CIT: variants seen among roughly 807,000 people sequenced by gnomAD.
CIT encodes citron rho-interacting serine/threonine kinase, also known as citron Rho-interacting kinase.
CIT carries 79 observed loss-of-function variants against 272.7 expected under a neutral mutation model. The observed-to-expected ratio is 0.29, with a 90% CI of 0.24 to 0.35. CIT has a LOEUF of 0.35. Among genes scored for constraint, CIT ranks in the 10% least tolerant of loss-of-function variants. The pLI is 1.00. For missense variants in CIT, 1,909 were observed against 2,618.3 expected (o/e 0.73, Z 5.91); for synonymous variants, 948 against 995.6 (o/e 0.95, Z 0.90).
intron 9 of CIT, among the ~76,000 whole-genome samples, chr12:119,818,099 C>A (rs1318977701): frequency 1.3e-5 from 2 of 152,158 alleles, no homozygotes; most frequent in East Asian, 1.9e-4. Flanking sequence ...ATCACACAGA[C>A]CTCCACCCAA....
At chr12:119,833,353 T>G (rs1437770029) in intron 6 of CIT, among the ~76,000 whole-genome samples, 1 of 152,014 alleles carries the variant, frequency 6.6e-6, no homozygotes, top group Non-Finnish European at 1.5e-5. Context: ...AATGAAGACA[T>G]GAAGAACCAC....
chr12:119,802,783 A>AT (rs935423411), intron 10 of CIT, among the ~76,000 whole-genome samples: 1 of 152,182 alleles, frequency 6.6e-6, no homozygotes, highest in Non-Finnish European at 1.5e-5. Context: ...AGGATTCTTT[A>AT]TACAGCCAAG....
In CIT at chr12:119,828,662, A is replaced by G. The variant is rs538208954; in HGVS notation, c.754-3294T>C. 2.8e-4 allele frequency among the ~76,000 whole-genome samples: 42 copies of G among 152,044 alleles called. 1 individual carries two copies. The South Asian group carries it at 8.7e-3, about 32-fold the overall frequency. On this transcript the variant is annotated intron_variant, in intron 7 of 47. Transcript: ENST00000392521. ...ACTGCAACCTCCAGCCCCTGGGTTCAAGCAATTCTCCTGCCTCAGCCTCCC... is the reference window on the plus strand; with the variant it reads ...ACTGCAACCTCCAGCCCCTGGGTTCGAGCAATTCTCCTGCCTCAGCCTCCC...
chr12:119,801,907 C>T (rs1296407160), intron 10 of CIT, among the ~76,000 whole-genome samples: 1 of 152,180 alleles, frequency 6.6e-6, no homozygotes, highest in African/African-American at 2.4e-5. Context: ...GAGAGGGGAT[C>T]AAGAAAGACC....
intron 40 of CIT, 103 bp downstream of exon 40, chr12:119,708,076 A>T: frequency 8.0e-7 from 1 of 1,253,672 alleles, no homozygotes; most frequent in Non-Finnish European, 1.1e-6. Flanking sequence ...TTTGTTATTT[A>T]AGTTGACACT....
rs973065379 is a variant in CIT, at chr12:119,687,201, T to C, written c.*1031A>G. On this transcript the variant is annotated 3_prime_UTR_variant, in exon 48 of 48. Transcript: ENST00000392521. ...GGAGCTATGGGATGGTATTAATACA[T>C]TGGCAGAGCAACCCAAGGGGGCAGC... is the stretch of plus-strand genomic sequence containing the variant. 2.0e-5 allele frequency: 3 copies of C among 152,488 alleles called. No individual in the cohort carries two copies. Among genetic ancestry groups the C allele is most frequent in the African/African-American group, 7.2e-5 (3 of 41,414 alleles). 9.4% of individuals were successfully genotyped at this position (152,488 alleles called of 1,614,324 possible). A position where few individuals can be genotyped will look rare whatever the true frequency, so the allele number is the denominator to read the frequency against.
chr12:119,743,441 A>G (rs1332936710), intron 23 of CIT, among the ~76,000 whole-genome samples: 1 of 152,150 alleles, frequency 6.6e-6, no homozygotes, highest in African/African-American at 2.4e-5. Context: ...AACAACAACC[A>G]AAAAAACTGA....
At chr12:119,873,001 T>C (rs1225064459) in intron 2 of CIT, among the ~76,000 whole-genome samples, 1 of 152,040 alleles carries the variant, frequency 6.6e-6, no homozygotes, top group African/African-American at 2.4e-5. Flanking sequence ...TTTCACCATT[T>C]TGCCCAGGCT....
intron 17 of CIT, among the ~76,000 whole-genome samples, chr12:119,771,298 G>C (rs1435476814): frequency 6.6e-6 from 1 of 152,166 alleles, no homozygotes; most frequent in Non-Finnish European, 1.5e-5. Context: ...TTGCAGGCAG[G>C]AAAGAGGACT....
Position 119,776,403 on chromosome 12 carries a change from C to T in CIT, c.1842G>A (p.Lys614=), listed in dbSNP as rs1963748569. Residue 614 remains lysine (K), a synonymous_variant, in exon 15 of 48, where the codon AAG becomes AAA. Transcript: ENST00000392521. ...TECQHKLLKA[K]DQGKPEVGEY... ...CTCCCACTTCAGGCTTCCCTTGATC[C>T]TTAGCCTGTAATTAAAAAGACACAA... The T allele has an allele frequency of 6.2e-7, 1 of 1,613,214 alleles. No individual in the cohort carries two copies. The highest frequency in any genetic ancestry group is 8.5e-7 in the Non-Finnish European group (1 of 1,179,364).
At chr12:119,849,679 CTTTTTTTTTCTT>C (rs1566123474) in intron 5 of CIT, among the ~76,000 whole-genome samples, 9 of 67,628 alleles carry the variant, frequency 1.3e-4, no homozygotes, top group Non-Finnish European at 2.4e-4. Context: ...GAGGCTGTTT[CTTTTTTTTTCTT>C]TTTTTTTTTT....
At chr12:119,829,174 C>G (rs1021449505) in intron 7 of CIT, among the ~76,000 whole-genome samples, 9 of 152,148 alleles carry the variant, frequency 5.9e-5, no homozygotes, top group African/African-American at 1.9e-4. Flanking sequence ...CCCATCTCTA[C>G]TAAAAATACA....
intron 3 of CIT, among the ~76,000 whole-genome samples, chr12:119,858,380 T>G (rs144736561): frequency 0.048 from 7,258 of 151,714 alleles, 322 homozygotes; most frequent in African/African-American, 0.12. Flanking sequence ...AGCCAGGTGT[T>G]GTGGTGCACG....
Position 119,869,148 on chromosome 12 carries a change from C to A in CIT, c.150G>T (p.Gly50=), listed in dbSNP as rs1306628293. The change falls in exon 3 of 48, where the codon GGG becomes GGT. Residue 50 remains glycine (G), a synonymous_variant. Coordinates refer to ENST00000392521, the MANE Select transcript of CIT (RefSeq NM_001206999.2). ...QQQMSPLSRE[G]ILDALFVLFE... ...AGAGAACAAAGAGGGCATCTAATAT[C>A]CCTTCTCGGGAAAGAGGAGACATCT... 1 of 1,613,216 alleles carries A rather than the reference C, an allele frequency of 6.2e-7. No individual in the cohort carries two copies. The highest frequency in any genetic ancestry group is 2.2e-5 in the East Asian group (1 of 44,862).
At chr12:119,745,708 T>C (rs1199613983) in intron 23 of CIT, among the ~76,000 whole-genome samples, 2 of 152,188 alleles carry the variant, frequency 1.3e-5, no homozygotes, top group Non-Finnish European at 2.9e-5. Flanking sequence ...TTTGAGGTGA[T>C]GGATATCCCA....
Position 119,752,224 on chromosome 12 carries a change from C to T in CIT, c.2730G>A (p.Gln910=). The part of the protein sequence containing the change: ...LREVSLEHEE[Q]KLELKRQLTE... ...TGAGCTGGCGCTTGAGCTCCAGTTT[C>T]TGCTCCTCGTGCTCTAGACTGACCT... The change falls in exon 23 of 48, where the codon CAG becomes CAA. Residue 910 remains glutamine (Q), a synonymous_variant. Coordinates refer to ENST00000392521, the MANE Select transcript of CIT (RefSeq NM_001206999.2). The T allele has an allele frequency of 1.9e-6, 3 of 1,608,930 alleles. No individual in the cohort carries two copies. The highest frequency in any genetic ancestry group is 2.5e-6 in the Non-Finnish European group (3 of 1,179,716).
chr12:119,698,104 A>C, intron 44 of CIT, 50 bp from the exon 45 acceptor site: 1 of 1,547,756 alleles, frequency 6.5e-7, no homozygotes, highest in Non-Finnish European at 8.9e-7. Context: ...TGGTGAAAAG[A>C]GGGAAAATCA....
At chr12:119,812,405 C>T (rs958409931) in intron 9 of CIT, among the ~76,000 whole-genome samples, 3 of 152,104 alleles carry the variant, frequency 2.0e-5, no homozygotes, top group Non-Finnish European at 4.4e-5. Flanking sequence ...TTCCCGATCT[C>T]TTTAGTACCC....
At chr12:119,871,321 T>C (rs1184982528) in intron 2 of CIT, among the ~76,000 whole-genome samples, 2 of 151,988 alleles carry the variant, frequency 1.3e-5, no homozygotes, top group African/African-American at 4.8e-5. Context: ...CCTAGCTGAG[T>C]CCAGCCAACC....
Sources: allele counts gnomAD v4.1 joint callset (sites outside exome capture counted in the v4.1 genomes callset), GRCh38; gene constraint gnomAD v4.1.1; transcripts MANE v1.5; gene names NCBI Gene and HGNC (gene_info 2026-07-23, HGNC 2026-07-21).